SLC24A3: variants seen among roughly 807,000 people sequenced by gnomAD.
SLC24A3 encodes solute carrier family 24 member 3.
Under a neutral mutation model 75.8 loss-of-function variants are expected in SLC24A3, and 28 were observed. That is an observed-to-expected ratio of 0.37 (90% CI 0.27 to 0.51). The LOEUF (loss-of-function observed/expected upper bound fraction) is 0.51. Among genes scored for constraint, SLC24A3 ranks in the 20% least tolerant of loss-of-function variants. The pLI is 0.94. For missense variants in SLC24A3, 663 were observed against 847.8 expected (o/e 0.78, Z 2.71); for synonymous variants, 372 against 334.1 (o/e 1.11, Z -1.24).
intron 2 of SLC24A3, among the ~76,000 whole-genome samples, chr20:19,333,626 T>TGTGTGTGTGTGTGTGA: frequency 6.7e-6 from 1 of 149,836 alleles, no homozygotes; most frequent in African/African-American, 2.5e-5. Flanking sequence ...CTTGCTAGTG[T>TGTGTGTGTGTGTGTGA]GTGTGTGTGT....
intron 15 of SLC24A3, among the ~76,000 whole-genome samples, chr20:19,713,064 T>C (rs1215561212): frequency 6.6e-6 from 1 of 152,228 alleles, no homozygotes; most frequent in African/African-American, 2.4e-5. Context: ...TCAGAACCTG[T>C]TGAATGGTAC....
At chr20:19,264,741 A>AAAC (rs1555784828) in intron 1 of SLC24A3, among the ~76,000 whole-genome samples, 18 of 151,200 alleles carry the variant, frequency 1.2e-4, no homozygotes, top group East Asian at 7.8e-4. Context: ...AAAAAAAAAA[A>AAAC]AAAACAAAAC....
chr20:19,430,926 AGTT>A (rs1331721773), intron 2 of SLC24A3, among the ~76,000 whole-genome samples: 1 of 151,886 alleles, frequency 6.6e-6, no homozygotes, highest in African/African-American at 2.4e-5. Flanking sequence ...TGGCCTTTGA[AGTT>A]GTTGATGACT....
chr20:19,603,300 G>A (rs1236195134), intron 6 of SLC24A3, among the ~76,000 whole-genome samples: 1 of 152,102 alleles, frequency 6.6e-6, no homozygotes, highest in African/African-American at 2.4e-5. Flanking sequence ...GCAGCTGTGG[G>A]GTCAGACAGC....
chr20:19,640,109 C>T (rs969791280), intron 6 of SLC24A3, among the ~76,000 whole-genome samples: 2 of 152,248 alleles, frequency 1.3e-5, no homozygotes, highest in African/African-American at 4.8e-5. Context: ...TGAAGGGCTC[C>T]TCAAGTGCCT....
At chr20:19,604,107 C>T (rs935419335) in intron 6 of SLC24A3, among the ~76,000 whole-genome samples, 14 of 152,146 alleles carry the variant, frequency 9.2e-5, no homozygotes, top group African/African-American at 3.1e-4. Flanking sequence ...ACAGGAAAGG[C>T]CCATGCTCTC....
In SLC24A3 at chr20:19,589,238, A is replaced by G. The variant is rs116640415; in HGVS notation, c.612+3694A>G. ...AGGAAAGTGTGTTAGCAAGCCAGTT[A>G]TCACTGTGGGTAACAGAGATCTAAT... On this transcript the variant is annotated intron_variant, in intron 6 of 16. Coordinates refer to ENST00000328041, the MANE Select transcript of SLC24A3 (RefSeq NM_020689.4). Among the ~76,000 whole-genome samples, 592 of 152,386 alleles carry G rather than the reference A, an allele frequency of 3.9e-3. 4 individuals carry two copies. Among genetic ancestry groups the G allele is most frequent in the African/African-American group, 0.013 (557 of 41,594 alleles).
Position 19,402,636 on chromosome 20 carries a change from A to G in SLC24A3, c.272-112852A>G, listed in dbSNP as rs181514918. ...AAAATCTATTGGGCAGAAGGAAAGG[A>G]TCAGAGAAGTTGTTTTTTTGACAGA... On this transcript the variant is annotated intron_variant, in intron 2 of 16. Coordinates refer to ENST00000328041, the MANE Select transcript of SLC24A3 (RefSeq NM_020689.4). Among the ~76,000 whole-genome samples the G allele has an allele frequency of 5.2e-4, 79 of 152,382 alleles. 2 individuals carry two copies. In the East Asian group the frequency reaches 0.014, roughly 26 times the overall value.
intron 1 of SLC24A3, among the ~76,000 whole-genome samples, chr20:19,235,767 A>G (rs1982148600): frequency 1.3e-5 from 2 of 152,184 alleles, no homozygotes; most frequent in Admixed American, 6.5e-5. Flanking sequence ...CCTGCAGAAC[A>G]TCCATTCATA....
intron 3 of SLC24A3, among the ~76,000 whole-genome samples, chr20:19,561,511 G>A (rs747893740): frequency 2.6e-5 from 4 of 152,182 alleles, no homozygotes; most frequent in Non-Finnish European, 5.9e-5. Context: ...TTCTATGGAA[G>A]TAGCCCCCAC....
chr20:19,232,407 T>C (rs1283862024), intron 1 of SLC24A3, among the ~76,000 whole-genome samples: 2 of 152,396 alleles, frequency 1.3e-5, no homozygotes, highest in African/African-American at 2.4e-5. Flanking sequence ...TGTTTCATGT[T>C]GCACTTTTGT....
chr20:19,593,825 AG>A (rs1423906339), intron 6 of SLC24A3, among the ~76,000 whole-genome samples: 1 of 152,190 alleles, frequency 6.6e-6, no homozygotes, highest in Non-Finnish European at 1.5e-5. Flanking sequence ...GAGTAATCAG[AG>A]GGGCACACTT....
chr20:19,653,946 G>C (rs2032235833), intron 6 of SLC24A3, 116 bp from the exon 7 acceptor site: 1 of 674,914 alleles, frequency 1.5e-6, no homozygotes, highest in African/African-American at 1.8e-5. Flanking sequence ...CGATTGATTG[G>C]CAGATTGGGT....
At chr20:19,407,870 C>T (rs1395856921) in intron 2 of SLC24A3, among the ~76,000 whole-genome samples, 1 of 152,186 alleles carries the variant, frequency 6.6e-6, no homozygotes, top group African/African-American at 2.4e-5. Context: ...GGAGTAAGTC[C>T]TTCTACTTCT....
intron 3 of SLC24A3, among the ~76,000 whole-genome samples, chr20:19,525,475 G>A (rs751915478): frequency 6.6e-6 from 1 of 152,134 alleles, no homozygotes; most frequent in Non-Finnish European, 1.5e-5. Flanking sequence ...TGGGGAGAAG[G>A]AGGCTGGAGC....
intron 3 of SLC24A3, among the ~76,000 whole-genome samples, chr20:19,533,312 A>G (rs1362725459): frequency 5.9e-5 from 9 of 152,206 alleles, no homozygotes; most frequent in Non-Finnish European, 1.3e-4. Flanking sequence ...TTTACGCAGA[A>G]GCTTGAATCT....
intron 2 of SLC24A3, among the ~76,000 whole-genome samples, chr20:19,395,179 A>C (rs757303477): frequency 6.6e-6 from 1 of 152,200 alleles, no homozygotes; most frequent in Non-Finnish European, 1.5e-5. Flanking sequence ...GTTGCCAGGT[A>C]CTGGGGGGAG....
chr20:19,664,573 C>T (rs1195008606), intron 7 of SLC24A3, among the ~76,000 whole-genome samples: 2 of 152,180 alleles, frequency 1.3e-5, no homozygotes, highest in Admixed American at 6.5e-5. Context: ...GTGTTCTCTA[C>T]GTCTCTACCC....
chr20:19,720,900 C>A (rs1450685249), intron 16 of SLC24A3, 91 bp from the exon 17 acceptor site: 2 of 1,485,534 alleles, frequency 1.3e-6, no homozygotes, highest in Non-Finnish European at 1.8e-6. Flanking sequence ...TAGTCAGCAG[C>A]CCTTCCCCGG....
Sources: gnomAD v4.1 joint callset for allele counts (sites outside exome capture counted in the v4.1 genomes callset) on GRCh38, gnomAD v4.1.1 for gene constraint, MANE v1.5 for transcripts, NCBI Gene and HGNC (gene_info 2026-07-23, HGNC 2026-07-21) for gene names.